AGMO: variants seen among roughly 807,000 people sequenced by gnomAD.
AGMO encodes glyceryl-ether monooxygenase.
In AGMO, 75 loss-of-function variants were observed where a neutral mutation model predicts 60.2. The observed-to-expected ratio is 1.25, with a 90% CI of 1.03 to 1.51. The LOEUF is 1.51. Ranked by LOEUF, AGMO falls within the 40% of genes most tolerant of loss-of-function variation. The pLI is 0.00. For synonymous variants in AGMO, 261 were observed against 177.1 expected, an observed-to-expected ratio of 1.47 and a Z score of -3.76; for missense variants, 763 against 525.5, an observed-to-expected ratio of 1.45 and a Z score of -4.42.
At chr7:15,179,373 T>C in the AGMO span, among the ~76,000 whole-genome samples, 3 of 152,144 alleles carry the variant, frequency 2.0e-5, no homozygotes, top group South Asian at 6.2e-4. Context: ...ACTTTCAGAA[T>C]ATAATGGTGG....
In AGMO at chr7:15,427,396, A is replaced by G. The variant is rs149234250; in HGVS notation, c.513+3609T>C. ...TATTGCTAACACATTGTTATGCTGT[A>G]TTTGCCACAACTAAGAAACCCACAG... On this transcript the variant is annotated intron_variant, in intron 4 of 12. Coordinates refer to ENST00000342526, the MANE Select transcript of AGMO (RefSeq NM_001004320.2). 2.6e-3 allele frequency among the ~76,000 whole-genome samples: 401 copies of G among 152,218 alleles called. 3 individuals are homozygous for G. The highest frequency in any genetic ancestry group is 6.0e-4 in the Non-Finnish European group (41 of 67,974).
At chr7:15,551,262 T>C (rs1267306504) in intron 2 of AGMO, among the ~76,000 whole-genome samples, 9 of 152,080 alleles carry the variant, frequency 5.9e-5, no homozygotes, top group East Asian at 1.9e-4. Context: ...TGGCATAAGA[T>C]AGGGATGCCC....
intron 12 of AGMO, among the ~76,000 whole-genome samples, chr7:15,265,511 A>AT (rs1326573911): frequency 1.3e-5 from 2 of 152,080 alleles, no homozygotes; most frequent in Non-Finnish European, 2.9e-5. Context: ...TAAAAGCAAA[A>AT]TTTATAAGCA....
At chr7:15,171,461 T>A in the AGMO span, among the ~76,000 whole-genome samples, 1 of 152,222 alleles carries the variant, frequency 6.6e-6, no homozygotes, top group East Asian at 1.9e-4. Flanking sequence ...CTATACTTTT[T>A]GAAAGGAAGT....
the AGMO span, among the ~76,000 whole-genome samples, chr7:15,187,552 T>A: frequency 6.6e-6 from 1 of 152,306 alleles, no homozygotes; most frequent in African/African-American, 2.4e-5. Flanking sequence ...CCAGTGTCCA[T>A]ATTTGAAAAG....
At chr7:15,342,617 T>C (rs568141284) in intron 12 of AGMO, among the ~76,000 whole-genome samples, 134 of 151,964 alleles carry the variant, frequency 8.8e-4, no homozygotes, top group African/African-American at 3.0e-3. Context: ...GGAAATATCT[T>C]GACTAACAGA....
chr7:15,470,742 G>T (rs965043277), intron 3 of AGMO, among the ~76,000 whole-genome samples: 3 of 151,300 alleles, frequency 2.0e-5, no homozygotes, highest in African/African-American at 7.3e-5. Context: ...TTGTTACTTT[G>T]AAAGAGTTTG....
intron 12 of AGMO, among the ~76,000 whole-genome samples, chr7:15,253,429 G>T (rs1485484452): frequency 6.6e-6 from 1 of 152,082 alleles, no homozygotes; most frequent in Non-Finnish European, 1.5e-5. Flanking sequence ...GTAGAAAGTG[G>T]ATATAAAATA....
chr7:15,448,425 A>G (rs6969428), intron 3 of AGMO, among the ~76,000 whole-genome samples: 95,696 of 152,044 alleles, frequency 0.63, 30,810 homozygotes, highest in Non-Finnish European at 0.7. Context: ...TTTATCTTGG[A>G]CTTCCTAGAC....
chr7:15,209,051 A>T (rs1290890895), intron 12 of AGMO, among the ~76,000 whole-genome samples: 1 of 152,222 alleles, frequency 6.6e-6, no homozygotes, highest in East Asian at 1.9e-4. Context: ...AAAATAATTC[A>T]GTCCTAATCT....
intron 12 of AGMO, among the ~76,000 whole-genome samples, chr7:15,215,174 G>A (rs868059995): frequency 6.6e-6 from 1 of 151,882 alleles, no homozygotes; most frequent in African/African-American, 2.4e-5. Context: ...TTACTACAAG[G>A]GTTCTCCTTG....
intron 3 of AGMO, among the ~76,000 whole-genome samples, chr7:15,483,272 T>C (rs1258982666): frequency 6.6e-6 from 1 of 152,190 alleles, no homozygotes; most frequent in Non-Finnish European, 1.5e-5. Flanking sequence ...TTTTAAATGG[T>C]ACAATATTTA....
At chr7:15,230,759 C>T (rs574826998) in intron 12 of AGMO, among the ~76,000 whole-genome samples, 3 of 152,098 alleles carry the variant, frequency 2.0e-5, no homozygotes, top group South Asian at 2.1e-4. Flanking sequence ...TCTCACTCCT[C>T]GCTCTTCCCC....
chr7:15,176,732 C>T, the AGMO span, among the ~76,000 whole-genome samples: 1 of 151,904 alleles, frequency 6.6e-6, no homozygotes, highest in African/African-American at 2.4e-5. Flanking sequence ...ACAATACAGA[C>T]TTATTAGCTA....
intron 12 of AGMO, among the ~76,000 whole-genome samples, chr7:15,241,326 G>A (rs1782579818): frequency 6.6e-6 from 1 of 151,294 alleles, no homozygotes; most frequent in Admixed American, 6.6e-5. Flanking sequence ...CGGGCGTGGT[G>A]GTGGGCGCCT....
intron 4 of AGMO, among the ~76,000 whole-genome samples, chr7:15,424,480 C>T (rs1781004936): frequency 6.6e-6 from 1 of 152,162 alleles, no homozygotes; most frequent in Non-Finnish European, 1.5e-5. Flanking sequence ...TTCATTAGAA[C>T]TATAAATGAC....
chr7:15,131,431 A>G, the AGMO span, among the ~76,000 whole-genome samples: 1 of 152,072 alleles, frequency 6.6e-6, no homozygotes, highest in African/African-American at 2.4e-5. Flanking sequence ...CTCCATTCCA[A>G]TAAGGCATAA....
At chr7:15,144,762 G>C in the AGMO span, among the ~76,000 whole-genome samples, 1 of 152,148 alleles carries the variant, frequency 6.6e-6, no homozygotes, top group Admixed American at 6.5e-5. Context: ...CTGGTGTTAG[G>C]AATTATGTCT....
intron 12 of AGMO, among the ~76,000 whole-genome samples, chr7:15,283,359 C>T (rs1205269636): frequency 1.3e-5 from 2 of 151,670 alleles, no homozygotes; most frequent in African/African-American, 4.8e-5. Context: ...TATAAAGATT[C>T]ATATAAACTC....
Sources: allele counts gnomAD v4.1 joint callset (sites outside exome capture counted in the v4.1 genomes callset), GRCh38; gene constraint gnomAD v4.1.1; transcripts MANE v1.5; gene names NCBI Gene and HGNC (gene_info 2026-07-23, HGNC 2026-07-21).